Variants in CNTNAP4 observed in about 807,000 individuals in gnomAD.
The protein encoded by CNTNAP4 is contactin-associated protein-like 4.
In CNTNAP4, 98 loss-of-function variants were observed where a neutral mutation model predicts 148.4. The observed-to-expected ratio is 0.66, with a 90% CI of 0.56 to 0.78. CNTNAP4 has a LOEUF of 0.78. CNTNAP4 is among the 30% of genes least tolerant of loss of function. The pLI is 0.00. For synonymous variants in CNTNAP4, 730 were observed against 565.1 expected (o/e 1.29, Z -4.14); for missense variants, 1,935 against 1,565.6 (o/e 1.24, Z -3.98).
intron 3 of CNTNAP4, among the ~76,000 whole-genome samples, chr16:76,359,143 AC>A (rs1474583622): frequency 5.9e-5 from 9 of 152,220 alleles, no homozygotes; most frequent in African/African-American, 2.2e-4. Flanking sequence ...AAAAAACTTA[AC>A]CCTTTGTTAC....
chr16:76,489,022 T>C (rs924315837), intron 12 of CNTNAP4, among the ~76,000 whole-genome samples: 2 of 152,156 alleles, frequency 1.3e-5, no homozygotes, highest in Non-Finnish European at 2.9e-5. Flanking sequence ...TGCCTAACTG[T>C]CCAGATCACA....
At chr16:76,471,111 CACAT>C (rs2081357255) in intron 10 of CNTNAP4, among the ~76,000 whole-genome samples, 1 of 151,992 alleles carries the variant, frequency 6.6e-6, no homozygotes, top group Non-Finnish European at 1.5e-5. Context: ...CACAAACACA[CACAT>C]ACACACACAC....
At chr16:76,451,598 G>GGTGTGTGT (rs2080473394) in intron 7 of CNTNAP4, among the ~76,000 whole-genome samples, 2 of 43,712 alleles carry the variant, frequency 4.6e-5, no homozygotes, top group Non-Finnish European at 1.6e-4. Flanking sequence ...ATTTTAGATA[G>GGTGTGTGT]ATGTGTGTGT....
At chr16:76,473,063 T>A (rs1369186649) in intron 10 of CNTNAP4, among the ~76,000 whole-genome samples, 6 of 152,222 alleles carry the variant, frequency 3.9e-5, no homozygotes, top group Non-Finnish European at 1.5e-5. Context: ...ACTAGAATTT[T>A]TATTGTTTTA....
chr16:76,411,442 T>G (rs1279608899), intron 3 of CNTNAP4, among the ~76,000 whole-genome samples: 1 of 151,422 alleles, frequency 6.6e-6, no homozygotes, highest in Non-Finnish European at 1.5e-5. Context: ...TCAGTAGTTT[T>G]CTTTCAGCAC....
At chr16:76,366,104 A>T (rs1022685808) in intron 3 of CNTNAP4, among the ~76,000 whole-genome samples, 7 of 151,856 alleles carry the variant, frequency 4.6e-5, no homozygotes, top group Admixed American at 2.0e-4. Context: ...ATTTACATTT[A>T]CCTTTTTAGT....
rs553614445 is a variant in CNTNAP4 at position 76,553,429 on chromosome 16, G to T, written c.3589G>T (p.Val1197Leu). Residue 1197 changes from valine to leucine, a missense_variant, in exon 22 of 24, where the codon GTG becomes TTG. Coordinates refer to ENST00000611870, the MANE Select transcript of CNTNAP4 (RefSeq NM_033401.5). The part of the protein sequence containing the change: ...HPDPVTVTGH[V>L]TESSCMAQPG... The stretch of plus-strand genomic sequence containing the variant: ...AGACCCTGTCACTGTTACAGGACAC[G>T]TGACTGAGTCCAGCTGTATGGCCCA... 4 of 1,612,804 alleles carry T rather than the reference G, an allele frequency of 2.5e-6. No homozygotes were observed. The highest frequency in any genetic ancestry group is 2.5e-6 in the Non-Finnish European group (3 of 1,179,424).
intron 15 of CNTNAP4, among the ~76,000 whole-genome samples, chr16:76,504,508 A>G (rs2082770028): frequency 6.6e-6 from 1 of 152,126 alleles, no homozygotes; most frequent in South Asian, 2.1e-4. Flanking sequence ...ACAAACTATA[A>G]CACTGCTCTA....
At chr16:76,533,266 C>A (rs1026894564) in intron 17 of CNTNAP4, among the ~76,000 whole-genome samples, 1 of 151,998 alleles carries the variant, frequency 6.6e-6, no homozygotes, top group Non-Finnish European at 1.5e-5. Context: ...TGGTATCACT[C>A]ATATAAGGAA....
At chr16:76,505,198 A>G (rs1375091070) in intron 15 of CNTNAP4, among the ~76,000 whole-genome samples, 1 of 152,200 alleles carries the variant, frequency 6.6e-6, no homozygotes, top group Non-Finnish European at 1.5e-5. Context: ...AGTCCCCTAA[A>G]AATGAAAACC....
At chr16:76,360,357 A>G (rs527393382) in intron 3 of CNTNAP4, among the ~76,000 whole-genome samples, 1 of 152,334 alleles carries the variant, frequency 6.6e-6, no homozygotes, top group East Asian at 1.9e-4. Flanking sequence ...AGATTTCCAC[A>G]TGCATTTGTT....
chr16:76,425,593 A>G (rs6564335), intron 3 of CNTNAP4, among the ~76,000 whole-genome samples: 147,243 of 152,038 alleles, frequency 0.97, 71,475 homozygotes, highest in East Asian at 1. Flanking sequence ...ATTTATGGGG[A>G]GTGTCAGGTA....
At chr16:76,279,559 A>G (rs780362007) in intron 1 of CNTNAP4, among the ~76,000 whole-genome samples, 1 of 152,086 alleles carries the variant, frequency 6.6e-6, no homozygotes, top group African/African-American at 2.4e-5. Flanking sequence ...CTGGTTCTAT[A>G]TTCTTTCAGC....
rs547333633 is a variant in CNTNAP4, at chr16:76,343,775, T to A, written c.197-11543T>A. 2.2e-4 allele frequency among the ~76,000 whole-genome samples: 34 copies of A among 152,276 alleles called. No individual in the cohort carries two copies. In the East Asian group the frequency reaches 5.8e-3, roughly 26 times the overall value. On this transcript the variant is annotated intron_variant, in intron 2 of 23. Transcript: ENST00000611870. ...TGTCTGATGAGGTAAAGAAATCATT[T>A]AAAACACGTGTAATAATCAAGAATA... is the stretch of plus-strand genomic sequence containing the variant.
At chr16:76,395,344 C>T (rs1171294295) in intron 3 of CNTNAP4, among the ~76,000 whole-genome samples, 1 of 151,262 alleles carries the variant, frequency 6.6e-6, no homozygotes, top group African/African-American at 2.4e-5. Context: ...TGGCTCATTG[C>T]AACCTCTGCC....
intron 3 of CNTNAP4, among the ~76,000 whole-genome samples, chr16:76,365,751 C>CAAAAAAAAAAA (rs35586454): frequency 1.0e-5 from 1 of 100,036 alleles, no homozygotes; most frequent in Admixed American, 9.4e-5. Context: ...GACTCCGTCT[C>CAAAAAAAAAAA]AAAAAAAAAA....
chr16:76,446,246 T>G (rs762094452), intron 4 of CNTNAP4, among the ~76,000 whole-genome samples: 10 of 152,180 alleles, frequency 6.6e-5, no homozygotes, highest in Non-Finnish European at 1.2e-4. Context: ...CTTTGTCACA[T>G]CAAACAAGAT....
chr16:76,289,528 AT>A (rs5817978), intron 1 of CNTNAP4, among the ~76,000 whole-genome samples: 5,009 of 141,794 alleles, frequency 0.035, 84 homozygotes, highest in African/African-American at 0.042. Context: ...TGCCTTTAGC[AT>A]TTTTTTTTTT....
intron 7 of CNTNAP4, among the ~76,000 whole-genome samples, chr16:76,450,253 G>T (rs796472198): frequency 6.6e-6 from 1 of 151,942 alleles, no homozygotes; most frequent in Admixed American, 6.6e-5. Context: ...AGATTCAAGC[G>T]ATTCTCCTAC....
Sources: gnomAD v4.1 joint callset for allele counts (sites outside exome capture counted in the v4.1 genomes callset) on GRCh38, gnomAD v4.1.1 for gene constraint, MANE v1.5 for transcripts, NCBI Gene and HGNC (gene_info 2026-07-23, HGNC 2026-07-21) for gene names.